Variants in KLHL30 observed in about 807,000 individuals in gnomAD.
The protein encoded by KLHL30 is kelch like family member 30, also known as kelch-like protein 30.
Under a neutral mutation model 55.0 loss-of-function variants are expected in KLHL30, and 55 were observed. That is an observed-to-expected ratio of 1.00 (90% CI 0.80 to 1.25). The LOEUF (loss-of-function observed/expected upper bound fraction) is 1.25. Ranked by LOEUF, KLHL30 falls within the 50% of genes most tolerant of loss-of-function variation. The pLI is 0.00. For missense variants in KLHL30, 786 were observed against 811.6 expected, an observed-to-expected ratio of 0.97 and a Z score of 0.38; for synonymous variants, 356 against 372.6, an observed-to-expected ratio of 0.96 and a Z score of 0.51.
At chr2:238,141,554 T>C in intron 2 of KLHL30, 26 bp downstream of exon 2, 1 of 1,432,340 alleles carries the variant, frequency 7.0e-7, no homozygotes, top group Non-Finnish European at 9.1e-7. Flanking sequence ...GGAGGCCCCA[T>C]CCCTGGGAAG....
At position 238,150,946 on chromosome 2, in the gene KLHL30, C is replaced by A. The variant is rs375995938; in HGVS notation, c.1618C>A (p.Arg540=). Residue 540 remains arginine, a synonymous_variant, in exon 8 of 8, where the codon CGG becomes AGG. Coordinates refer to ENST00000409223, the MANE Select transcript of KLHL30 (RefSeq NM_198582.4). ...HVEMEAYDTV[R]DTWTRHGALP... is the part of the protein sequence containing the mutation. ...GGAGATGGAGGCCTACGACACGGTT[C>A]GGGACACCTGGACCCGCCACGGCGC... is the stretch of plus-strand genomic sequence containing the variant. The A allele has an allele frequency of 2.0e-5, 31 of 1,582,724 alleles. No individual in the cohort carries two copies. In the African/African-American group the frequency reaches 3.9e-4, roughly 20 times the overall value.
rs375995938 is a variant in KLHL30 at position 238,150,946 on chromosome 2, C to T, written c.1618C>T (p.Arg540Trp). ...HVEMEAYDTV[R>W]DTWTRHGALP... ...GGAGATGGAGGCCTACGACACGGTT[C>T]GGGACACCTGGACCCGCCACGGCGC... The change falls in exon 8 of 8, where the codon CGG becomes TGG. Residue 540 changes from arginine to tryptophan, a missense_variant. Coordinates refer to ENST00000409223, the MANE Select transcript of KLHL30 (RefSeq NM_198582.4). 5.4e-5 allele frequency: 86 copies of T among 1,582,724 alleles called. No homozygotes were observed. Among genetic ancestry groups the T allele is most frequent in the Middle Eastern group, 1.7e-4 (1 of 5,910 alleles).
chr2:238,150,753 C>T (rs1692738696), intron 7 of KLHL30, 61 bp from the exon 8 acceptor site: 2 of 1,509,840 alleles, frequency 1.3e-6, no homozygotes, highest in Non-Finnish European at 8.9e-7. Context: ...CTGCTGAGGG[C>T]ACCCTCAGCC....
chr2:238,144,432 A>AAGGC lies in KLHL30; in HGVS notation c.908-420_908-417dup, dbSNP rs1165549782. Among the ~76,000 whole-genome samples the AAGGC allele has an allele frequency of 7.0e-3, 578 of 82,354 alleles. 9 individuals are homozygous for AAGGC. Among genetic ancestry groups the AAGGC allele is most frequent in the African/African-American group, 0.011 (245 of 21,798 alleles). The allele number at this position is 82,354 out of a possible 152,430, so 54.0% of individuals were successfully genotyped here. On this transcript the variant is annotated intron_variant, in intron 3 of 7. Transcript: ENST00000409223. ...GAAGGAAGGAAGGAAGGAAGGAAGG[A>AAGGC]AGGCAGGCAGGCAGGCAGGCAGGCA... is the stretch of plus-strand genomic sequence containing the variant.
Position 238,149,139 on chromosome 2 carries a change from ACCTGTGGCAGAAGGTGGGCCGC to A in KLHL30, c.1475_1485+11del, listed in dbSNP as rs751435816. 8 of 1,612,800 alleles carry A rather than the reference ACCTGTGGCAGAAGGTGGGCCGC, an allele frequency of 5.0e-6. No individual in the cohort carries two copies. The highest frequency in any genetic ancestry group is 6.8e-6 in the Non-Finnish European group (8 of 1,179,806). The stretch of plus-strand genomic sequence containing the variant: ...GTCTACGTGTACGACCCCGGGGCCA[ACCTGTGGCAGAAGGTGGGCCGC>A]CCCCTCCCCCAACATGTGTGAGCCC... On this transcript the variant is annotated splice_donor_variant and splice_donor_5th_base_variant and coding_sequence_variant and intron_variant, in exon 7 of 8. Transcript: ENST00000409223. LOFTEE classifies it high-confidence loss of function.
intron 7 of KLHL30, among the ~76,000 whole-genome samples, chr2:238,149,890 C>T (rs1692720323): frequency 6.6e-6 from 1 of 152,272 alleles, no homozygotes; most frequent in East Asian, 1.9e-4. Flanking sequence ...GTCCTGGCAC[C>T]AAGCCAGATG....
chr2:238,149,280 G>T lies in KLHL30; in HGVS notation c.1485+128G>T. On this transcript the variant is annotated intron_variant, in intron 7 of 7. Coordinates refer to ENST00000409223, the MANE Select transcript of KLHL30 (RefSeq NM_198582.4). ...CTGCGAAGGGGACAGCGCAGGCTGG[G>T]GTGCCCACAGAGGGCCCACAGTGAA... 3.0e-6 allele frequency: 4 copies of T among 1,312,038 alleles called. No individual in the cohort carries two copies. The South Asian group carries it at 5.7e-5, about 19-fold the overall frequency. The allele number at this position is 1,312,038 out of a possible 1,614,324, so 81.3% of individuals were successfully genotyped here.
At chr2:238,144,370 G>GGAAGGAAA (rs1400903590) in intron 3 of KLHL30, among the ~76,000 whole-genome samples, 55 of 42,354 alleles carry the variant, frequency 1.3e-3, no homozygotes, top group South Asian at 7.6e-3. Flanking sequence ...GAGGGTGCTC[G>GGAAGGAAA]GAAGGAAGGA....
chr2:238,147,994 G>A lies in KLHL30; in HGVS notation c.1311G>A (p.Leu437=). 1.3e-6 allele frequency: 2 copies of A among 1,528,070 alleles called. No homozygotes were observed. Among genetic ancestry groups the A allele is most frequent in the Non-Finnish European group, 1.8e-6 (2 of 1,135,622 alleles). 94.7% of individuals were successfully genotyped at this position (1,528,070 alleles called of 1,614,324 possible). ...VGSSACKYNA[L]ALQCYNPVTD... Reference sequence around the variant, plus strand: ...CCAGCGCCTGCAAGTACAACGCCCTGGCCCTGCAGTGCTACAACCCTGTCA... The same window carrying A: ...CCAGCGCCTGCAAGTACAACGCCCTAGCCCTGCAGTGCTACAACCCTGTCA... The change falls in exon 6 of 8, where the codon CTG becomes CTA. Residue 437 remains leucine, a synonymous_variant. Transcript: ENST00000409223. This position sits in a 1 kb window ranked among gnomAD's most constrained non-coding sequence, Gnocchi z 5.8.
chr2:238,149,281 G>T, intron 7 of KLHL30, 129 bp downstream of exon 7: 1 of 1,308,946 alleles, frequency 7.6e-7, no homozygotes, highest in Non-Finnish European at 1.0e-6. Flanking sequence ...GCAGGCTGGG[G>T]TGCCCACAGA....
Position 238,145,824 on chromosome 2 carries a change from T to A in KLHL30, c.1142T>A (p.Val381Asp). 1.3e-6 allele frequency: 2 copies of A among 1,599,280 alleles called. No homozygotes were observed. ...ASAALNGEIY[V>D]IGGTTLDVVE... is the part of the protein sequence containing the mutation. The stretch of plus-strand genomic sequence containing the variant: ...GCGGCCCTCAATGGGGAGATCTACG[T>A]TATCGGCGGTGAGGCCTTCCTCTCC... The change falls in exon 5 of 8, where the codon GTT (valine) becomes GAT (aspartate). Residue 381 changes from valine (V) to aspartate (D), a missense_variant. By Grantham distance (152) the Val-to-Asp change is radical. Coordinates refer to ENST00000409223, the MANE Select transcript of KLHL30 (RefSeq NM_198582.4).
intron 3 of KLHL30, 75 bp from the exon 4 acceptor site, chr2:238,144,827 C>T: frequency 1.8e-6 from 2 of 1,106,420 alleles, no homozygotes; most frequent in Admixed American, 2.0e-5. Context: ...GGAAAGGCAC[C>T]TGGGAAGGGG....
Position 238,141,028 on chromosome 2 carries a change from T to C in KLHL30, c.274T>C (p.Tyr92His), listed in dbSNP as rs1692525068. Reference protein sequence around the residue: ...AVVGQLVDFVYTGRLTITQGN... With the variant: ...AVVGQLVDFVHTGRLTITQGN... ...GGTGGGACAACTGGTGGACTTCGTG[T>C]ACACAGGCCGGCTGACCATCACGCA... Residue 92 changes from tyrosine (Y) to histidine (H), a missense_variant, in exon 2 of 8, where the codon TAC becomes CAC. Physicochemically the swap from Tyr to His is moderately conservative, Grantham distance 83. Coordinates refer to ENST00000409223, the MANE Select transcript of KLHL30 (RefSeq NM_198582.4). 1 of 1,612,368 alleles carries C rather than the reference T, an allele frequency of 6.2e-7. No individual in the cohort carries two copies.
Position 238,140,819 on chromosome 2 carries a change from G to A in KLHL30, c.65G>A (p.Gly22Asp). ...TCGCATGCCCAGGACATGCTGGATG[G>A]CCTGCAGCGCCTGCGCTCTCAGCCC... ...LPSHAQDMLD[G>D]LQRLRSQPKL... Residue 22 changes from glycine to aspartate, a missense_variant, in exon 2 of 8, where the codon GGC becomes GAC. Transcript: ENST00000409223. The A allele has an allele frequency of 6.2e-7, 1 of 1,603,004 alleles. No individual in the cohort carries two copies. The highest frequency in any genetic ancestry group is 8.5e-7 in the Non-Finnish European group (1 of 1,172,836).
chr2:238,144,545 G>A (rs995999843), intron 3 of KLHL30, among the ~76,000 whole-genome samples: 2 of 151,898 alleles, frequency 1.3e-5, no homozygotes, highest in Non-Finnish European at 2.9e-5. Flanking sequence ...AACCCACACC[G>A]CATCTAACCG....
chr2:238,140,806 G>A lies in KLHL30; in HGVS notation c.52G>A (p.Asp18Asn). ...TTTCCACCTGCCCTCGCATGCCCAG[G>A]ACATGCTGGATGGCCTGCAGCGCCT... ...LDFHLPSHAQDMLDGLQRLRS... is the reference protein window; with the variant it reads ...LDFHLPSHAQNMLDGLQRLRS... The change falls in exon 2 of 8, where the codon GAC becomes AAC. Residue 18 changes from aspartate to asparagine, a missense_variant. Physicochemically the swap from Asp to Asn is conservative, Grantham distance 23. Coordinates refer to ENST00000409223, the MANE Select transcript of KLHL30 (RefSeq NM_198582.4). 6 of 1,597,876 alleles carry A rather than the reference G, an allele frequency of 3.8e-6. No individual in the cohort carries two copies. The highest frequency in any genetic ancestry group is 5.1e-6 in the Non-Finnish European group (6 of 1,169,558).
At chr2:238,149,506 G>T (rs1692713955) in intron 7 of KLHL30, among the ~76,000 whole-genome samples, 1 of 152,228 alleles carries the variant, frequency 6.6e-6, no homozygotes, top group Non-Finnish European at 1.5e-5. Context: ...GAGTCCCCTT[G>T]AGGACAGGGG....
chr2:238,149,320 C>T (rs1692708667), intron 7 of KLHL30, among the ~76,000 whole-genome samples, 168 bp downstream of exon 7: 1 of 145,706 alleles, frequency 6.9e-6, no homozygotes, highest in African/African-American at 2.7e-5. Context: ...GTGGCGCAGG[C>T]TGGGGTGCCC....
chr2:238,148,917 CT>C, intron 6 of KLHL30, 89 bp from the exon 7 acceptor site: 1 of 1,335,852 alleles, frequency 7.5e-7, no homozygotes, highest in African/African-American at 1.4e-5. Flanking sequence ...CAGAGAGGCA[CT>C]GAGTCCAGGG....
Sources: gnomAD v4.1 joint callset for allele counts (sites outside exome capture counted in the v4.1 genomes callset) on GRCh38, gnomAD v4.1.1 for gene constraint, Gnocchi (gnomAD v3.1) non-coding constraint, MANE v1.5 for transcripts, NCBI Gene and HGNC (gene_info 2026-07-23, HGNC 2026-07-21) for gene names.